The following ADA variants were observed in gnomAD, a reference collection of about 807,000 sequenced individuals.
ADA encodes adenosine deaminase.
ADA carries 45 observed loss-of-function variants against 49.0 expected under a neutral mutation model. The ratio of observed to expected loss-of-function variants is 0.92; its 90% CI spans 0.72 to 1.18. The LOEUF (loss-of-function observed/expected upper bound fraction) is 1.18, where lower values mean the gene tolerates loss of function less well. ADA is among the 50% of genes most tolerant of loss of function. The probability of loss-of-function intolerance (pLI) is 0.00; values close to 1 mark genes in which losing one functional copy is unlikely to be tolerated. For synonymous variants in ADA, 173 were observed against 184.2 expected (o/e 0.94, Z 0.49); for missense variants, 445 against 472.5 (o/e 0.94, Z 0.54).
chr20:44,624,368 C>T (rs755384354), intron 5 of ADA, 39 bp from the exon 6 acceptor site: 1 of 1,611,196 alleles, frequency 6.2e-7, no homozygotes, highest in South Asian at 1.1e-5. Flanking sequence ...GTCACCAGCA[C>T]CATGGAGAGA....
At chr20:44,623,182 G>C in intron 6 of ADA, 104 bp from the exon 7 acceptor site, 1 of 1,523,890 alleles carries the variant, frequency 6.6e-7, no homozygotes, top group East Asian at 2.3e-5. Context: ...CATGCTGCCT[G>C]CTTCAACAGC....
chr20:44,625,747 G>A (rs1367581347), intron 4 of ADA, 63 bp from the exon 5 acceptor site: 1 of 1,355,604 alleles, frequency 7.4e-7, no homozygotes, highest in Non-Finnish European at 1.0e-6. Context: ...GGCAGCTCTG[G>A]GACTGGGACA....
intron 1 of ADA, among the ~76,000 whole-genome samples, chr20:44,640,755 C>G (rs1434387009): frequency 1.3e-5 from 2 of 151,710 alleles, no homozygotes; most frequent in African/African-American, 4.8e-5. Context: ...TCTGGTTGGG[C>G]CCTAGATGCA....
intron 4 of ADA, 115 bp from the exon 5 acceptor site, chr20:44,625,799 C>T: frequency 6.2e-6 from 5 of 810,888 alleles, no homozygotes; most frequent in South Asian, 1.5e-5. Flanking sequence ...TCCTCCCCCA[C>T]TGACCCACTG....
chr20:44,622,829 C>T lies in ADA; in HGVS notation c.780G>A (p.Glu260=), dbSNP rs1354071013. Reference sequence around the variant, plus strand: ...CCTCCCCACTCCCTGGCCCGCTTACCTCGAAGTGCATGTTTTCCTGCCGCA... The same window carrying T: ...CCTCCCCACTCCCTGGCCCGCTTACTTCGAAGTGCATGTTTTCCTGCCGCA... The part of the protein sequence containing the change: ...NRLRQENMHF[E]ICPWSSYLTG... The change falls in exon 8 of 12, where the codon GAG becomes GAA. Residue 260 remains glutamate (E), a splice_region_variant and synonymous_variant. Coordinates refer to ENST00000372874, the MANE Select transcript of ADA (RefSeq NM_000022.4). The T allele has an allele frequency of 1.2e-6, 2 of 1,614,256 alleles. No homozygotes were observed. The highest frequency in any genetic ancestry group is 1.7e-6 in the Non-Finnish European group (2 of 1,180,036).
At chr20:44,648,654 T>G (rs555182179) in intron 1 of ADA, among the ~76,000 whole-genome samples, 5 of 152,182 alleles carry the variant, frequency 3.3e-5, no homozygotes, top group Admixed American at 2.6e-4. Context: ...CGTATCTTGT[T>G]TGCTACCTCT....
intron 3 of ADA, among the ~76,000 whole-genome samples, chr20:44,627,327 G>C (rs1038581259): frequency 1.3e-5 from 2 of 152,018 alleles, no homozygotes. Context: ...GATTACAGGC[G>C]CATGCCACCA....
chr20:44,636,349 T>C lies in ADA; in HGVS notation c.34-61A>G, dbSNP rs543871991. 44 of 1,378,730 alleles carry C rather than the reference T, an allele frequency of 3.2e-5. No homozygotes were observed. In the South Asian group the frequency reaches 4.7e-4, roughly 15 times the overall value. 85.4% of individuals were successfully genotyped at this position (1,378,730 alleles called of 1,614,324 possible). The stretch of plus-strand genomic sequence containing the variant: ...AGAGAGAGAACAAATACCTATGAGT[T>C]CACGAAGGACCTTTCAGAGCTTAAT... On this transcript the variant is annotated intron_variant, in intron 1 of 11. Coordinates refer to ENST00000372874, the MANE Select transcript of ADA (RefSeq NM_000022.4).
chr20:44,645,659 A>C (rs1445342669), intron 1 of ADA, among the ~76,000 whole-genome samples: 2 of 152,212 alleles, frequency 1.3e-5, no homozygotes, highest in Non-Finnish European at 2.9e-5. Flanking sequence ...CATGATGATG[A>C]TGCTGACCAA....
At chr20:44,629,537 C>A (rs1371713108) in intron 2 of ADA, among the ~76,000 whole-genome samples, 1 of 152,212 alleles carries the variant, frequency 6.6e-6, no homozygotes, top group Non-Finnish European at 1.5e-5. Flanking sequence ...TCCTCCTCAG[C>A]CCCAGGAGCT....
At chr20:44,646,923 G>A (rs1388572552) in intron 1 of ADA, among the ~76,000 whole-genome samples, 1 of 152,066 alleles carries the variant, frequency 6.6e-6, no homozygotes, top group Non-Finnish European at 1.5e-5. Context: ...ACTTTGGCAA[G>A]TTCCCTCCCC....
chr20:44,623,984 CA>C, intron 6 of ADA: 1 of 593,706 alleles, frequency 1.7e-6, no homozygotes, highest in Non-Finnish European at 3.1e-6. Flanking sequence ...TAGGCTCAAG[CA>C]ATCCTCCTGC....
chr20:44,648,724 G>T (rs995603771), intron 1 of ADA, among the ~76,000 whole-genome samples: 1 of 151,944 alleles, frequency 6.6e-6, no homozygotes, highest in African/African-American at 2.4e-5. Context: ...TAGGGGTCCC[G>T]CACAACAGAA....
chr20:44,650,665 C>T (rs567818105), intron 1 of ADA, among the ~76,000 whole-genome samples: 20 of 152,200 alleles, frequency 1.3e-4, no homozygotes, highest in African/African-American at 4.1e-4. Flanking sequence ...AACTCCTGGA[C>T]TCAAATGATC....
chr20:44,630,577 G>C (rs776430536), intron 2 of ADA, among the ~76,000 whole-genome samples: 2 of 152,152 alleles, frequency 1.3e-5, no homozygotes, highest in Non-Finnish European at 2.9e-5. Flanking sequence ...CAACTGTCAC[G>C]ATGTAAGAAA....
intron 4 of ADA, chr20:44,626,181 T>C (rs554250808): frequency 1.0e-3 from 557 of 547,462 alleles, no homozygotes; most frequent in Admixed American, 1.4e-3. Context: ...CCTGGGTGGC[T>C]AAGCAGGTTA....
At chr20:44,623,669 C>T (rs1008989788) in intron 6 of ADA, among the ~76,000 whole-genome samples, 1 of 151,862 alleles carries the variant, frequency 6.6e-6, no homozygotes, top group African/African-American at 2.4e-5. Flanking sequence ...TTCCTTCTTT[C>T]CTTCCTTCCT....
In ADA at chr20:44,620,555, A is replaced by G. The variant is rs528309706; in HGVS notation, c.976-154T>C. On this transcript the variant is annotated intron_variant, in intron 10 of 11. Transcript: ENST00000372874. The stretch of plus-strand genomic sequence containing the variant: ...ACTGTCACACGGCAGCAAGTGCCAG[A>G]GTAGAGACCATGAGGTCGTGTTCTT... 2.1e-5 allele frequency: 15 copies of G among 719,174 alleles called. 1 individual carries two copies. Among genetic ancestry groups the G allele is most frequent in the African/African-American group, 1.4e-4 (8 of 57,472 alleles). 44.5% of individuals were successfully genotyped at this position (719,174 alleles called of 1,614,324 possible).
chr20:44,634,229 T>G (rs527770890), intron 2 of ADA, among the ~76,000 whole-genome samples: 2 of 152,248 alleles, frequency 1.3e-5, no homozygotes, highest in African/African-American at 4.8e-5. Context: ...TTAGGGGCCT[T>G]GTGGCAAGTT....
Sources: allele counts gnomAD v4.1 joint callset (sites outside exome capture counted in the v4.1 genomes callset), GRCh38; gene constraint gnomAD v4.1.1; transcripts MANE v1.5; gene names NCBI Gene and HGNC (gene_info 2026-07-23, HGNC 2026-07-21).